Variants in MED13L observed in about 807,000 individuals in gnomAD.
MED13L encodes the protein mediator of RNA polymerase II transcription subunit 13-like.
A neutral mutation model predicts 220.9 loss-of-function variants in MED13L; 7 were observed. The ratio of observed to expected loss-of-function variants is 0.03; its 90% CI spans 0.02 to 0.06. The LOEUF (loss-of-function observed/expected upper bound fraction) is 0.06, where lower values mean the gene tolerates loss of function less well. MED13L is among the 10% of genes least tolerant of loss of function. MED13L has a pLI of 1.00. For synonymous variants in MED13L, 1,011 were observed against 1,015.2 expected, an observed-to-expected ratio of 1.00 and a Z score of 0.08; for missense variants, 1,965 against 2,760.5, an observed-to-expected ratio of 0.71 and a Z score of 6.46.
intron 2 of MED13L, among the ~76,000 whole-genome samples, chr12:116,206,773 A>G (rs1882359725): frequency 6.6e-6 from 1 of 152,258 alleles, no homozygotes; most frequent in African/African-American, 2.4e-5. Context: ...TGCATTCTCT[A>G]CAGAGTTCAC....
At chr12:115,989,960 A>G (rs373523286) in intron 17 of MED13L, among the ~76,000 whole-genome samples, 15 of 152,202 alleles carry the variant, frequency 9.9e-5, no homozygotes, top group African/African-American at 3.6e-4. Flanking sequence ...AACTACACAA[A>G]TCTGACATCA....
intron 19 of MED13L, among the ~76,000 whole-genome samples, chr12:115,985,070 C>T (rs1011343741): frequency 3.3e-5 from 5 of 152,194 alleles, no homozygotes; most frequent in African/African-American, 1.2e-4. Flanking sequence ...CTAGTGTATA[C>T]TCTTCCTAAG....
At chr12:116,073,012 A>G (rs1310437795) in intron 4 of MED13L, among the ~76,000 whole-genome samples, 3 of 152,204 alleles carry the variant, frequency 2.0e-5, no homozygotes, top group Admixed American at 6.5e-5. Flanking sequence ...ATGGTAGATT[A>G]TAAGTAAAAT....
At position 116,005,928 on chromosome 12, in the gene MED13L, C is replaced by T; in HGVS notation, c.2410G>A (p.Ala804Thr). The change falls in exon 13 of 31, where the codon GCA becomes ACA. Residue 804 changes from alanine (A) to threonine (T), a missense_variant. Ala to Thr is a moderately conservative substitution (Grantham distance 58). Transcript: ENST00000281928. ...SSSLTQVTDL[A>T]PSLHDLDNIF... ...TTGTCTAAGTCATGCAGGGAAGGTG[C>T]CAAATCTGTTACCTGTGTAAGGCTA... is the stretch of plus-strand genomic sequence containing the variant. The T allele has an allele frequency of 6.2e-7, 1 of 1,613,960 alleles. No individual in the cohort carries two copies. The highest frequency in any genetic ancestry group is 1.3e-5 in the African/African-American group (1 of 75,010).
rs114352062 is a variant in MED13L at position 116,215,271 on chromosome 12, C to T, written c.310+22197G>A. The stretch of plus-strand genomic sequence containing the variant: ...CTAAGTGAACATTCTTTGTTTCCTT[C>T]GCAGGTGACAAAACCATATTACATC... On this transcript the variant is annotated intron_variant, in intron 2 of 30. Coordinates refer to ENST00000281928, the MANE Select transcript of MED13L (RefSeq NM_015335.5). Among the ~76,000 whole-genome samples, 487 of 152,238 alleles carry T rather than the reference C, an allele frequency of 3.2e-3. 5 individuals are homozygous for T. The highest frequency in any genetic ancestry group is 0.011 in the African/African-American group (456 of 41,530).
chr12:116,134,595 T>C (rs1876364970), intron 2 of MED13L, among the ~76,000 whole-genome samples: 1 of 152,180 alleles, frequency 6.6e-6, no homozygotes, highest in Non-Finnish European at 1.5e-5. Flanking sequence ...AAAACTTTCA[T>C]TTTAGTTGAG....
chr12:116,018,800 G>A (rs1438725723), intron 7 of MED13L, among the ~76,000 whole-genome samples: 1 of 151,356 alleles, frequency 6.6e-6, no homozygotes. Context: ...ATCTAACAGG[G>A]AAAAGAGTTG....
chr12:116,129,152 G>C (rs1875851871), intron 2 of MED13L, among the ~76,000 whole-genome samples: 1 of 152,082 alleles, frequency 6.6e-6, no homozygotes, highest in South Asian at 2.1e-4. Context: ...ATAACTCAAG[G>C]CTGGGCATGG....
At chr12:116,100,598 CAA>C (rs760855189) in intron 3 of MED13L, among the ~76,000 whole-genome samples, 5,103 of 67,864 alleles carry the variant, frequency 0.075, 73 homozygotes, top group African/African-American at 0.12. Flanking sequence ...GACTCCGTCT[CAA>C]AAAAAAAAAA....
intron 1 of MED13L, among the ~76,000 whole-genome samples, chr12:116,248,173 T>TA (rs1187695745): frequency 1.3e-5 from 2 of 152,170 alleles, no homozygotes. Context: ...AGCCATGTGA[T>TA]AAAAATAACA....
At chr12:116,245,133 C>T (rs898785692) in intron 1 of MED13L, among the ~76,000 whole-genome samples, 1 of 152,004 alleles carries the variant, frequency 6.6e-6, no homozygotes, top group Admixed American at 6.6e-5. Flanking sequence ...ACTGAAGGCA[C>T]GGAACCAGAG....
chr12:116,009,993 A>C (rs1256428958), intron 9 of MED13L, among the ~76,000 whole-genome samples: 1 of 152,186 alleles, frequency 6.6e-6, no homozygotes, highest in East Asian at 1.9e-4. Context: ...GTGTAGTAGT[A>C]ACTCTCTGAG....
Position 115,991,996 on chromosome 12 carries a change from T to C in MED13L, c.2997-39A>G, listed in dbSNP as rs1346232418. Reference sequence around the variant, plus strand: ...AGGCACCAAGTGAGGAAGGGCAGCATGTCACAGATGCTGAACTAGACACAT... The same window carrying C: ...AGGCACCAAGTGAGGAAGGGCAGCACGTCACAGATGCTGAACTAGACACAT... On this transcript the variant is annotated intron_variant, in intron 16 of 30. Transcript: ENST00000281928. This position sits in a 1 kb window ranked among gnomAD's most constrained non-coding sequence, Gnocchi z 7.7. 1 of 1,536,394 alleles carries C rather than the reference T, an allele frequency of 6.5e-7. No homozygotes were observed. The highest frequency in any genetic ancestry group is 1.1e-5 in the South Asian group (1 of 87,626).
chr12:116,041,968 A>T (rs147873025), intron 4 of MED13L, among the ~76,000 whole-genome samples: 20 of 152,374 alleles, frequency 1.3e-4, no homozygotes, highest in African/African-American at 4.6e-4. Flanking sequence ...CAGGAGAGAG[A>T]TAAAAACAAT....
At chr12:116,000,066 A>T (rs1180800211) in intron 14 of MED13L, among the ~76,000 whole-genome samples, 1 of 152,260 alleles carries the variant, frequency 6.6e-6, no homozygotes, top group Non-Finnish European at 1.5e-5. Context: ...TGCTGCAAAC[A>T]TCTAAACATT....
intron 2 of MED13L, among the ~76,000 whole-genome samples, chr12:116,123,579 C>A (rs903727541): frequency 6.6e-6 from 1 of 152,160 alleles, no homozygotes; most frequent in African/African-American, 2.4e-5. Flanking sequence ...CACATGCACA[C>A]ACACGTGCAC....
intron 3 of MED13L, among the ~76,000 whole-genome samples, chr12:116,106,206 CT>C (rs530850802): frequency 8.9e-4 from 135 of 152,296 alleles, no homozygotes; most frequent in African/African-American, 3.1e-3. Context: ...TCATAAAACA[CT>C]TATGGTATCT....
At chr12:116,154,972 A>C (rs977352039) in intron 2 of MED13L, among the ~76,000 whole-genome samples, 1 of 152,088 alleles carries the variant, frequency 6.6e-6, no homozygotes, top group Non-Finnish European at 1.5e-5. Flanking sequence ...GACTTCAGGC[A>C]CACAACACTA....
intron 4 of MED13L, among the ~76,000 whole-genome samples, chr12:116,053,656 G>C (rs1157470065): frequency 6.6e-6 from 1 of 152,130 alleles, no homozygotes; most frequent in Non-Finnish European, 1.5e-5. Flanking sequence ...GGGAGCTAAA[G>C]TCACTTGCCT....
Sources: allele counts gnomAD v4.1 joint callset (sites outside exome capture counted in the v4.1 genomes callset), GRCh38; gene constraint gnomAD v4.1.1; non-coding constraint Gnocchi (gnomAD v3.1); transcripts MANE v1.5; gene names NCBI Gene and HGNC (gene_info 2026-07-23, HGNC 2026-07-21).